The following DGKH variants were observed in gnomAD, a reference collection of about 807,000 sequenced individuals.
DGKH encodes the protein DAG kinase eta.
In DGKH, 90 loss-of-function variants were observed where a neutral mutation model predicts 159.3. The observed-to-expected ratio is 0.57, with a 90% CI of 0.48 to 0.67. DGKH has a LOEUF of 0.67. DGKH is among the 30% of genes least tolerant of loss of function. The pLI is 0.00. For missense variants in DGKH, 1,181 were observed against 1,506.1 expected (o/e 0.78, Z 3.57); for synonymous variants, 536 against 553.8 (o/e 0.97, Z 0.45).
At chr13:42,058,581 A>G (rs977309059) in intron 1 of DGKH, among the ~76,000 whole-genome samples, 4 of 152,212 alleles carry the variant, frequency 2.6e-5, no homozygotes, top group East Asian at 1.9e-4. Context: ...GTCATGTACT[A>G]TATTATATTA....
At chr13:42,156,441 A>G (rs1030251068) in intron 5 of DGKH, among the ~76,000 whole-genome samples, 2 of 151,858 alleles carry the variant, frequency 1.3e-5, no homozygotes, top group South Asian at 2.1e-4. Flanking sequence ...AAGTCTCACT[A>G]TGTTGCCCAG....
chr13:42,219,895 G>A, intron 28 of DGKH, 101 bp downstream of exon 28: 1 of 991,584 alleles, frequency 1.0e-6, no homozygotes, highest in Non-Finnish European at 1.5e-6. Context: ...CTAGATGGTG[G>A]TTGAGCATTG....
chr13:42,188,497 GC>G lies in DGKH; in HGVS notation c.1639-537del, dbSNP rs150597636. Among the ~76,000 whole-genome samples, 896 of 152,322 alleles carry G rather than the reference GC, an allele frequency of 5.9e-3. 14 individuals are homozygous for G. Among genetic ancestry groups the G allele is most frequent in the African/African-American group, 0.021 (855 of 41,564 alleles). Reference sequence around the variant, plus strand: ...AAACCAAAGCTTTGAAGGGGAGTTTGCCACAACTCAGCCAGATGTGCCATTT... The same window carrying G: ...AAACCAAAGCTTTGAAGGGGAGTTTGCACAACTCAGCCAGATGTGCCATTT... On this transcript the variant is annotated intron_variant, in intron 14 of 29. Coordinates refer to ENST00000337343, the MANE Select transcript of DGKH (RefSeq NM_178009.5).
rs1167530359 is a variant in DGKH at position 42,199,924 on chromosome 13, A to C, written c.2493+15A>C. ...TTCAACTTGAGGTAAGTTCATCTTA[A>C]AGTAAAGATATTTCATATTATCTTA... On this transcript the variant is annotated intron_variant, in intron 20 of 29. Transcript: ENST00000337343. 2 of 1,583,508 alleles carry C rather than the reference A, an allele frequency of 1.3e-6. No homozygotes were observed.
chr13:42,048,365 G>A (rs1880948155), upstream of DGKH, among the ~76,000 whole-genome samples: 1 of 152,122 alleles, frequency 6.6e-6, no homozygotes, highest in African/African-American at 2.4e-5. The surrounding 1 kb of genome is among the most constrained non-coding windows in gnomAD (Gnocchi z 6.7). Flanking sequence ...ACTACGGGGT[G>A]GGCTGCAGAG....
At chr13:42,151,820 A>T (rs1330892179) in intron 3 of DGKH, among the ~76,000 whole-genome samples, 2 of 151,974 alleles carry the variant, frequency 1.3e-5, no homozygotes, top group Non-Finnish European at 2.9e-5. Flanking sequence ...CAGTGGTGAG[A>T]TTGCTGTGTC....
chr13:42,171,076 GATGAAA>G (rs1956443333), intron 11 of DGKH, among the ~76,000 whole-genome samples: 1 of 152,052 alleles, frequency 6.6e-6, no homozygotes, highest in Non-Finnish European at 1.5e-5. Flanking sequence ...ATTTTACAAA[GATGAAA>G]ATGTAGTTTT....
chr13:42,049,365 C>T (rs1881088546), intron 1 of DGKH, among the ~76,000 whole-genome samples: 1 of 152,310 alleles, frequency 6.6e-6, no homozygotes, highest in Middle Eastern at 3.4e-3. Context: ...CGAGTTCCTA[C>T]TTAGGGAACT....
Position 42,235,236 on chromosome 13 carries a change from C to T in DGKH, c.*6048C>T, listed in dbSNP as rs1288896750. 2 of 152,102 alleles carry T rather than the reference C, an allele frequency of 1.3e-5. No individual in the cohort carries two copies. The highest frequency in any genetic ancestry group is 2.9e-5 in the Non-Finnish European group (2 of 67,982). The allele number at this position is 152,102 out of a possible 1,614,324, so 9.4% of individuals were successfully genotyped here. A position where few individuals can be genotyped will look rare whatever the true frequency, so the allele number is the denominator to read the frequency against. On this transcript the variant is annotated 3_prime_UTR_variant, in exon 30 of 30. Coordinates refer to ENST00000337343, the MANE Select transcript of DGKH (RefSeq NM_178009.5). Reference sequence around the variant, plus strand: ...CCATGTAACTAAGATACTCTATTTACATTATTTATATACTCTCTTAGTTTT... The same window carrying T: ...CCATGTAACTAAGATACTCTATTTATATTATTTATATACTCTCTTAGTTTT...
rs1473974262 is a variant in DGKH, at chr13:42,214,562, G to T, written c.3070G>T (p.Val1024Leu). ...CLLEQELAHAVNACSHALNKA... is the reference protein window; with the variant it reads ...CLLEQELAHALNACSHALNKA... The stretch of plus-strand genomic sequence containing the variant: ...TTTGGAGCAAGAACTGGCCCATGCT[G>T]TGAATGCCTGCTCCCATGCCCTGAA... The change falls in exon 25 of 30, where the codon GTG (valine) becomes TTG (leucine). Residue 1024 changes from valine to leucine, a missense_variant. This residue lies in a region of DGKH where 335 missense variants were observed against 495.2 expected (regional missense o/e 0.68). Transcript: ENST00000337343. 6.2e-7 allele frequency: 1 copy of T among 1,613,716 alleles called. No homozygotes were observed. Among genetic ancestry groups the T allele is most frequent in the Non-Finnish European group, 8.5e-7 (1 of 1,179,742 alleles).
At chr13:42,047,378 A>G (rs1399372953), upstream of DGKH, among the ~76,000 whole-genome samples, 1 of 152,234 alleles carries the variant, frequency 6.6e-6, no homozygotes, top group Non-Finnish European at 1.5e-5. Flanking sequence ...AGGTCATGTC[A>G]ACTGAAAAAA....
At chr13:42,045,794 A>C (rs566931658), upstream of DGKH, among the ~76,000 whole-genome samples, 6 of 152,366 alleles carry the variant, frequency 3.9e-5, no homozygotes, top group East Asian at 1.2e-3. Flanking sequence ...CGTAATATTT[A>C]AGATAAAGCC....
intron 1 of DGKH, among the ~76,000 whole-genome samples, chr13:42,043,518 T>G (rs1221014343): frequency 6.6e-6 from 1 of 151,940 alleles, no homozygotes; most frequent in Non-Finnish European, 1.5e-5. Context: ...TTTGGATTTT[T>G]TTTGTAGAGG....
At chr13:42,175,628 C>T (rs560987590) in intron 12 of DGKH, among the ~76,000 whole-genome samples, 140 of 152,192 alleles carry the variant, frequency 9.2e-4, no homozygotes, top group Non-Finnish European at 1.7e-3. Flanking sequence ...AGGTACAATT[C>T]TAAAGATATG....
intron 1 of DGKH, among the ~76,000 whole-genome samples, chr13:42,095,377 G>A (rs889122959): frequency 1.3e-5 from 2 of 151,768 alleles, no homozygotes; most frequent in African/African-American, 4.8e-5. Context: ...TGGCCAGGCT[G>A]GTCTTGAACA....
downstream of DGKH, among the ~76,000 whole-genome samples, chr13:42,245,619 T>G (rs1958574647): frequency 6.6e-6 from 1 of 152,032 alleles, no homozygotes; most frequent in Admixed American, 6.6e-5. Flanking sequence ...GGAGTCTCAC[T>G]CTGTTTCCCA....
chr13:42,118,799 A>G (rs944363508), intron 1 of DGKH, among the ~76,000 whole-genome samples: 3 of 152,236 alleles, frequency 2.0e-5, no homozygotes, highest in African/African-American at 7.2e-5. Flanking sequence ...GACTTTATGT[A>G]GCAGGCAGAA....
chr13:42,137,285 CT>C (rs973782491), intron 3 of DGKH, among the ~76,000 whole-genome samples: 8 of 152,180 alleles, frequency 5.3e-5, no homozygotes, highest in African/African-American at 1.9e-4. Context: ...AGATTATCAC[CT>C]GAATAATCAC....
upstream of DGKH, among the ~76,000 whole-genome samples, chr13:42,047,630 C>G (rs769184303): frequency 2.2e-4 from 34 of 152,224 alleles, no homozygotes; most frequent in Admixed American, 2.2e-3. Flanking sequence ...GCACAACCCG[C>G]TGCCAGTCCG....
Sources: allele counts gnomAD v4.1 joint callset (sites outside exome capture counted in the v4.1 genomes callset), GRCh38; gene constraint gnomAD v4.1.1; regional missense constraint gnomAD v4.1.1; non-coding constraint Gnocchi (gnomAD v3.1); transcripts MANE v1.5; gene names NCBI Gene and HGNC (gene_info 2026-07-23, HGNC 2026-07-21).